The following DPYS variants were observed in gnomAD, a reference collection of about 807,000 sequenced individuals.
DPYS encodes dihydropyrimidinase, also known as dihydropyrimidine amidohydrolase.
A neutral mutation model predicts 50.3 loss-of-function variants in DPYS; 39 were observed. The ratio of observed to expected loss-of-function variants is 0.78; its 90% CI spans 0.60 to 1.01. The LOEUF is 1.01. Ranked by LOEUF, DPYS falls within the 50% of genes least tolerant of loss-of-function variation. The pLI is 0.00. For missense variants in DPYS, 659 were observed against 680.9 expected (o/e 0.97, Z 0.36); for synonymous variants, 245 against 250.7 (o/e 0.98, Z 0.22).
At chr8:104,424,107 T>C (rs905214280) in intron 7 of DPYS, 140 bp downstream of exon 7, 1 of 1,559,614 alleles carries the variant, frequency 6.4e-7, no homozygotes, top group Non-Finnish European at 8.7e-7. Flanking sequence ...CTTTATCTTG[T>C]GTACAGGATC....
At chr8:104,428,901 G>A (rs2669426) in intron 5 of DPYS, among the ~76,000 whole-genome samples, 91,798 of 151,112 alleles carry the variant, frequency 0.61, 29,007 homozygotes, top group Non-Finnish European at 0.71. Context: ...CACTATCTCT[G>A]CTCACTGCAA....
chr8:104,444,639 A>C (rs1813470642), intron 3 of DPYS, among the ~76,000 whole-genome samples: 1 of 152,190 alleles, frequency 6.6e-6, no homozygotes, highest in Non-Finnish European at 1.5e-5. Flanking sequence ...TATATTTGGT[A>C]AAAATAATTT....
intron 8 of DPYS, among the ~76,000 whole-genome samples, chr8:104,392,216 C>T (rs757392598): frequency 6.6e-6 from 1 of 152,186 alleles, no homozygotes; most frequent in Non-Finnish European, 1.5e-5. Flanking sequence ...AGAGGTCACA[C>T]CTCCCACAGT....
chr8:104,449,771 C>A (rs989111885), intron 2 of DPYS, among the ~76,000 whole-genome samples: 2 of 152,202 alleles, frequency 1.3e-5, no homozygotes, highest in Admixed American at 1.3e-4. Context: ...TGTCAGCAAA[C>A]TTCCAGAAGT....
chr8:104,434,048 T>C (rs377322735), intron 4 of DPYS, among the ~76,000 whole-genome samples: 149 of 152,270 alleles, frequency 9.8e-4, no homozygotes, highest in African/African-American at 3.5e-3. Context: ...GGGCACAGTC[T>C]AGTTTTATAC....
chr8:104,428,178 A>G (rs1265303834), intron 5 of DPYS, 57 bp from the exon 6 acceptor site: 13 of 1,607,720 alleles, frequency 8.1e-6, no homozygotes, highest in Non-Finnish European at 1.1e-5. Flanking sequence ...TGTTAGGAGG[A>G]AACTGCCATA....
At chr8:104,422,085 C>T (rs540280879) in intron 7 of DPYS, among the ~76,000 whole-genome samples, 1 of 152,248 alleles carries the variant, frequency 6.6e-6, no homozygotes, top group East Asian at 1.9e-4. Context: ...GGTGTCATCC[C>T]TAGAAATTAA....
At chr8:104,439,209 T>A (rs542475789) in intron 4 of DPYS, among the ~76,000 whole-genome samples, 1 of 152,214 alleles carries the variant, frequency 6.6e-6, no homozygotes, top group East Asian at 1.9e-4. Context: ...TAGTTGAGAG[T>A]CAAGTGATAC....
At chr8:104,446,433 G>A (rs144919311) in intron 3 of DPYS, among the ~76,000 whole-genome samples, 6 of 152,160 alleles carry the variant, frequency 3.9e-5, no homozygotes, top group East Asian at 1.9e-4. Context: ...CTTTTATTAC[G>A]GAATAATCCT....
intron 6 of DPYS, among the ~76,000 whole-genome samples, chr8:104,426,340 A>G (rs1812719206): frequency 6.6e-6 from 1 of 152,210 alleles, no homozygotes; most frequent in Admixed American, 6.5e-5. Flanking sequence ...TAATAATAAA[A>G]GCATTGTCAG....
chr8:104,404,743 T>C (rs138608964), intron 7 of DPYS, among the ~76,000 whole-genome samples: 171 of 152,362 alleles, frequency 1.1e-3, no homozygotes, highest in East Asian at 5.2e-3. Context: ...ATAGCCTGCA[T>C]TGTAAATAAA....
intron 5 of DPYS, chr8:104,429,070 A>G (rs1282213453): frequency 5.7e-6 from 1 of 175,022 alleles, no homozygotes; most frequent in East Asian, 1.6e-4. Flanking sequence ...GCCTCATGTG[A>G]TCCGCCCACC....
At chr8:104,453,725 G>A (rs1813833879) in intron 1 of DPYS, among the ~76,000 whole-genome samples, 2 of 152,146 alleles carry the variant, frequency 1.3e-5, no homozygotes, top group African/African-American at 2.4e-5. Context: ...ACATGTTCTC[G>A]TAAAGACTTG....
Position 104,444,579 on chromosome 8 carries a change from T to A in DPYS, c.604-142A>T, listed in dbSNP as rs1433122605. The A allele has an allele frequency of 1.2e-5, 9 of 766,406 alleles. No homozygotes were observed. The East Asian group carries it at 2.1e-4, about 18-fold the overall frequency. 47.5% of individuals were successfully genotyped at this position (766,406 alleles called of 1,614,324 possible). On this transcript the variant is annotated intron_variant, in intron 3 of 9. Transcript: ENST00000351513. ...GTGTGTGTGTCTGTGTGTGTGTGTATATGAACATATTTGTGTAAATATATC... is the reference window on the plus strand; with the variant it reads ...GTGTGTGTGTCTGTGTGTGTGTGTAAATGAACATATTTGTGTAAATATATC...
intron 7 of DPYS, among the ~76,000 whole-genome samples, chr8:104,396,159 T>C (rs1811578115): frequency 6.6e-6 from 1 of 152,208 alleles, no homozygotes; most frequent in African/African-American, 2.4e-5. Flanking sequence ...TTATGGCCAT[T>C]ATAATCTGCC....
At chr8:104,385,020 A>G (rs1415691393) in intron 8 of DPYS, among the ~76,000 whole-genome samples, 1 of 152,100 alleles carries the variant, frequency 6.6e-6, no homozygotes, top group East Asian at 1.9e-4. Context: ...TTCCTTGGTG[A>G]CCTTAAGACT....
At chr8:104,413,605 C>T (rs1037222839) in intron 7 of DPYS, among the ~76,000 whole-genome samples, 1 of 152,060 alleles carries the variant, frequency 6.6e-6, no homozygotes, top group African/African-American at 2.4e-5. Context: ...TTACTATAAT[C>T]CTAGTCATTT....
chr8:104,424,158 G>A (rs2140621573), intron 7 of DPYS, 89 bp downstream of exon 7: 1 of 1,606,342 alleles, frequency 6.2e-7, no homozygotes, highest in South Asian at 1.1e-5. Flanking sequence ...CTAAGGAGAA[G>A]CGGCTGATTA....
rs1168182202 is a variant in DPYS at position 104,399,317 on chromosome 8, C to CAAAA, written c.1236-6330_1236-6327dup. Among the ~76,000 whole-genome samples the CAAAA allele has an allele frequency of 1.1e-3, 133 of 125,252 alleles. 2 individuals are homozygous for CAAAA. The highest frequency in any genetic ancestry group is 4.4e-3 in the East Asian group (19 of 4,310). The allele number at this position is 125,252 out of a possible 152,430, so 82.2% of individuals were successfully genotyped here. Reference sequence around the variant, plus strand: ...AAAAAAAAAAAAAAAAAAACAACAACAAAAAAAAACCAAGAAAACCCACAT... The same window carrying CAAAA: ...AAAAAAAAAAAAAAAAAAACAACAACAAAAAAAAAAAAACCAAGAAAACCCACAT... On this transcript the variant is annotated intron_variant, in intron 7 of 9. Transcript: ENST00000351513.
Sources: gnomAD v4.1 joint callset for allele counts (sites outside exome capture counted in the v4.1 genomes callset) on GRCh38, gnomAD v4.1.1 for gene constraint, MANE v1.5 for transcripts, NCBI Gene and HGNC (gene_info 2026-07-23, HGNC 2026-07-21) for gene names.